The following SPOCK1 variants were observed in gnomAD, a reference collection of about 807,000 sequenced individuals.
The protein encoded by SPOCK1 is testican-1.
SPOCK1 carries 23 observed loss-of-function variants against 55.3 expected under a neutral mutation model. The ratio of observed to expected loss-of-function variants is 0.42; its 90% CI spans 0.30 to 0.59. SPOCK1 has a LOEUF of 0.59. Among genes scored for constraint, SPOCK1 ranks in the 20% least tolerant of loss-of-function variants. The pLI, the probability that SPOCK1 is intolerant of heterozygous loss-of-function variation, is 0.22. For missense variants in SPOCK1, 499 were observed against 552.5 expected, an observed-to-expected ratio of 0.90 and a Z score of 0.97; for synonymous variants, 226 against 221.0, an observed-to-expected ratio of 1.02 and a Z score of -0.20.
At chr5:137,161,761 A>G (rs1754562811) in intron 3 of SPOCK1, among the ~76,000 whole-genome samples, 1 of 152,246 alleles carries the variant, frequency 6.6e-6, no homozygotes, top group Non-Finnish European at 1.5e-5. Context: ...GTATTAAAAA[A>G]AAATCCAGGA....
intron 3 of SPOCK1, among the ~76,000 whole-genome samples, chr5:137,151,050 A>G (rs1754309623): frequency 6.6e-6 from 1 of 152,198 alleles, no homozygotes; most frequent in Non-Finnish European, 1.5e-5. Flanking sequence ...TGCTTCTCAG[A>G]CTATATGGTA....
At chr5:137,024,214 A>G (rs1165098115) in intron 6 of SPOCK1, among the ~76,000 whole-genome samples, 1 of 150,682 alleles carries the variant, frequency 6.6e-6, no homozygotes, top group Admixed American at 6.7e-5. Context: ...GCACAGAATG[A>G]GAGAGTGCGG....
intron 6 of SPOCK1, among the ~76,000 whole-genome samples, chr5:137,023,436 C>T (rs1304559876): frequency 2.0e-5 from 3 of 152,146 alleles, no homozygotes; most frequent in Non-Finnish European, 4.4e-5. Flanking sequence ...CTTGAAGACA[C>T]ATTCTGGTAG....
chr5:137,329,834 T>C (rs1758138913), intron 2 of SPOCK1, among the ~76,000 whole-genome samples: 1 of 152,156 alleles, frequency 6.6e-6, no homozygotes, highest in Non-Finnish European at 1.5e-5. Flanking sequence ...CTCACCTAAA[T>C]GAATCTAGGT....
chr5:137,245,728 T>A (rs1449885756), intron 3 of SPOCK1, among the ~76,000 whole-genome samples: 1 of 149,586 alleles, frequency 6.7e-6, no homozygotes, highest in African/African-American at 2.5e-5. Flanking sequence ...CTCTGCAGCA[T>A]GAATTTTCTC....
At chr5:137,059,466 T>C (rs1752358083) in intron 6 of SPOCK1, among the ~76,000 whole-genome samples, 1 of 152,182 alleles carries the variant, frequency 6.6e-6, no homozygotes, top group Non-Finnish European at 1.5e-5. Context: ...GATTAAAGAC[T>C]TAAATGCGAA....
chr5:137,239,030 T>C (rs1580823240), intron 3 of SPOCK1, among the ~76,000 whole-genome samples: 1 of 152,220 alleles, frequency 6.6e-6, no homozygotes, highest in Non-Finnish European at 1.5e-5. Flanking sequence ...TTTATGCTAA[T>C]GAAATGACTC....
chr5:137,480,821 G>A (rs1004402959), intron 2 of SPOCK1, among the ~76,000 whole-genome samples: 1 of 152,208 alleles, frequency 6.6e-6, no homozygotes, highest in Non-Finnish European at 1.5e-5. Context: ...CCTGGCTAAG[G>A]AGAAGAGTTT....
In SPOCK1 at chr5:137,490,139, C is replaced by A. The variant is rs115466109; in HGVS notation, c.186+8234G>T. 7.9e-3 allele frequency among the ~76,000 whole-genome samples: 1,200 copies of A among 152,360 alleles called. 13 individuals are homozygous for A. The highest frequency in any genetic ancestry group is 0.027 in the African/African-American group (1,132 of 41,590). ...TTTGAAGAACATTTGTGTGACAACA[C>A]ATTACCCTACCTGCATTAACTATTT... is the stretch of plus-strand genomic sequence containing the variant. On this transcript the variant is annotated intron_variant, in intron 2 of 10. Transcript: ENST00000394945.
In SPOCK1 at chr5:137,079,543, C is replaced by CCCCG. The variant is rs1554096437; in HGVS notation, c.475-11715_475-11714insCGGG. 2.0e-5 allele frequency among the ~76,000 whole-genome samples: 3 copies of CCCCG among 147,940 alleles called. No homozygotes were observed. In the East Asian group the frequency reaches 6.1e-4, roughly 30 times the overall value. On this transcript the variant is annotated intron_variant, in intron 5 of 10. Coordinates refer to ENST00000394945, the MANE Select transcript of SPOCK1 (RefSeq NM_004598.4). ...ACCATCCCATCTGATTCCCCCCCCC[C>CCCCG]CCGACTTAGTGAAATGTCGTACCAA... is the stretch of plus-strand genomic sequence containing the variant.
chr5:137,353,216 C>CA lies in SPOCK1; in HGVS notation c.187-86162dup, dbSNP rs979839747. On this transcript the variant is annotated intron_variant, in intron 2 of 10. Coordinates refer to ENST00000394945, the MANE Select transcript of SPOCK1 (RefSeq NM_004598.4). ...GCAATATGGCAAAACTCCATCTCTGCAAAAAAATACAAAAATTAGCTGGGT... is the reference window on the plus strand; with the variant it reads ...GCAATATGGCAAAACTCCATCTCTGCAAAAAAAATACAAAAATTAGCTGGGT... Among the ~76,000 whole-genome samples the CA allele has an allele frequency of 2.8e-4, 42 of 152,038 alleles. 1 individual carries two copies. The highest frequency in any genetic ancestry group is 6.5e-4 in the African/African-American group (27 of 41,504).
chr5:137,022,123 C>T (rs13157540), intron 6 of SPOCK1, among the ~76,000 whole-genome samples: 9,947 of 152,012 alleles, frequency 0.065, 960 homozygotes, highest in African/African-American at 0.21. Flanking sequence ...GACTTGCCAG[C>T]CTAGGTCATT....
intron 3 of SPOCK1, among the ~76,000 whole-genome samples, chr5:137,160,606 TAA>T (rs1319286128): frequency 2.0e-4 from 12 of 60,368 alleles, no homozygotes; most frequent in South Asian, 4.4e-4. Flanking sequence ...ATATTATATA[TAA>T]TATATAATAT....
intron 2 of SPOCK1, among the ~76,000 whole-genome samples, chr5:137,318,202 C>CGATTCT (rs1394578823): frequency 6.6e-6 from 1 of 152,080 alleles, no homozygotes; most frequent in Non-Finnish European, 1.5e-5. Flanking sequence ...TCCACTGGGG[C>CGATTCT]GATTCTGATG....
intron 3 of SPOCK1, among the ~76,000 whole-genome samples, chr5:137,185,152 G>A (rs1480232468): frequency 6.6e-6 from 1 of 152,198 alleles, no homozygotes; most frequent in East Asian, 1.9e-4. Flanking sequence ...GGGTCAGTTG[G>A]GAGAGGGGGA....
At chr5:137,160,571 T>TTATATATAA in intron 3 of SPOCK1, among the ~76,000 whole-genome samples, 1 of 53,868 alleles carries the variant, frequency 1.9e-5, no homozygotes, top group Admixed American at 2.9e-4. Context: ...ATATTATATA[T>TTATATATAA]TATATAATAT....
chr5:137,113,610 T>C (rs757423), intron 4 of SPOCK1, among the ~76,000 whole-genome samples: 28,190 of 152,112 alleles, frequency 0.19, 2,826 homozygotes, highest in Middle Eastern at 0.31. Context: ...TGGAGGAAAA[T>C]AGAATTGACT....
At chr5:137,041,073 T>G (rs1166760172) in intron 6 of SPOCK1, among the ~76,000 whole-genome samples, 1 of 152,168 alleles carries the variant, frequency 6.6e-6, no homozygotes, top group South Asian at 2.1e-4. Flanking sequence ...AAACAAAGTA[T>G]GAAGTCTCAT....
At chr5:137,178,843 A>T (rs914661003) in intron 3 of SPOCK1, among the ~76,000 whole-genome samples, 3 of 152,228 alleles carry the variant, frequency 2.0e-5, no homozygotes, top group Admixed American at 6.5e-5. Context: ...GATCTTTTCT[A>T]CCGTGTAAAC....
Sources: allele counts gnomAD v4.1 joint callset (sites outside exome capture counted in the v4.1 genomes callset), GRCh38; gene constraint gnomAD v4.1.1; transcripts MANE v1.5; gene names NCBI Gene and HGNC (gene_info 2026-07-23, HGNC 2026-07-21).